The following SP4 variants were observed in gnomAD, a reference collection of about 807,000 sequenced individuals.
The protein encoded by SP4 is transcription factor Sp4.
In SP4, 19 loss-of-function variants were observed where a neutral mutation model predicts 72.8. The ratio of observed to expected loss-of-function variants is 0.26; its 90% CI spans 0.18 to 0.38. SP4 has a LOEUF of 0.38. SP4 is among the 10% of genes least tolerant of loss of function. SP4 has a pLI of 1.00. For missense variants in SP4, 1,008 were observed against 926.3 expected, an observed-to-expected ratio of 1.09 and a Z score of -1.14; for synonymous variants, 395 against 333.1, an observed-to-expected ratio of 1.19 and a Z score of -2.02.
intron 3 of SP4, among the ~76,000 whole-genome samples, chr7:21,441,081 G>C (rs1325584091): frequency 6.6e-6 from 1 of 152,214 alleles, no homozygotes; most frequent in African/African-American, 2.4e-5. Context: ...TAAGTACTGG[G>C]TTTTGAGGCA....
intron 5 of SP4, among the ~76,000 whole-genome samples, chr7:21,496,959 C>A (rs10238881): frequency 0.035 from 5,325 of 152,240 alleles, 337 homozygotes; most frequent in East Asian, 0.26. Flanking sequence ...ACATGTATGA[C>A]CTTCTAGATT....
intron 3 of SP4, among the ~76,000 whole-genome samples, chr7:21,456,120 G>C (rs1390720747): frequency 6.6e-6 from 1 of 152,168 alleles, no homozygotes; most frequent in African/African-American, 2.4e-5. Context: ...ACATTTATTG[G>C]CCCTCTTGAC....
At chr7:21,484,708 A>G (rs1784768246) in intron 5 of SP4, among the ~76,000 whole-genome samples, 1 of 151,818 alleles carries the variant, frequency 6.6e-6, no homozygotes. Flanking sequence ...TAGCAGTGGG[A>G]TAAATTAGGG....
intron 5 of SP4, among the ~76,000 whole-genome samples, chr7:21,486,025 T>C (rs1784803838): frequency 6.6e-6 from 1 of 152,010 alleles, no homozygotes; most frequent in African/African-American, 2.4e-5. Flanking sequence ...GGAAATAAAT[T>C]TGTCTAAAGG....
Position 21,429,574 on chromosome 7 carries a change from C to T in SP4, c.409C>T (p.Pro137Ser). 6.2e-7 allele frequency: 1 copy of T among 1,614,146 alleles called. No homozygotes were observed. The highest frequency in any genetic ancestry group is 8.5e-7 in the Non-Finnish European group (1 of 1,180,004). The change falls in exon 3 of 6, where the codon CCT becomes TCT. Residue 137 changes from proline to serine, a missense_variant. Coordinates refer to ENST00000222584, the MANE Select transcript of SP4 (RefSeq NM_003112.5). ...SSSSNNGSASPTKTKSGNSST... is the reference protein window; with the variant it reads ...SSSSNNGSASSTKTKSGNSST... ...CAGCAGTAATAACGGGAGTGCATCT[C>T]CTACAAAAACTAAATCAGGTAATTC...
chr7:21,428,199 C>CCCCCCCCCCCCA lies in SP4; in HGVS notation c.-53_-52insCCCCCCCCCCCA. On this transcript the variant is annotated 5_prime_UTR_variant, in exon 1 of 6. Transcript: ENST00000222584. ...TCTCCTCCCGCCTCGCCCCCACCCC[C>CCCCCCCCCCCCA]ACCCACCTCTATCCCAGTGTCTCCG... The CCCCCCCCCCCCA allele has an allele frequency of 1.7e-5, 19 of 1,119,084 alleles. No homozygotes were observed. The highest frequency in any genetic ancestry group is 5.9e-5 in the East Asian group (2 of 34,080). 69.3% of individuals were successfully genotyped at this position (1,119,084 alleles called of 1,614,324 possible). A position where few individuals can be genotyped will look rare whatever the true frequency, so the allele number is the denominator to read the frequency against.
intron 5 of SP4, among the ~76,000 whole-genome samples, chr7:21,493,195 A>T (rs772765798): frequency 2.8e-5 from 2 of 71,290 alleles, no homozygotes; most frequent in Non-Finnish European, 5.1e-5. Context: ...GTGAGATTCC[A>T]TGTGAAAAAA....
chr7:21,463,351 G>A (rs1356375403), intron 3 of SP4, among the ~76,000 whole-genome samples: 1 of 152,208 alleles, frequency 6.6e-6, no homozygotes, highest in Non-Finnish European at 1.5e-5. Context: ...TAGGATGAAT[G>A]AAAGGTTACC....
intron 3 of SP4, among the ~76,000 whole-genome samples, chr7:21,452,009 C>T (rs1274849788): frequency 3.3e-5 from 5 of 152,178 alleles, no homozygotes; most frequent in Admixed American, 3.3e-4. Flanking sequence ...TTACATTACC[C>T]ATCCCTTTTA....
At chr7:21,428,612 A>C (rs1782711009) in intron 1 of SP4, 65 bp from the exon 2 acceptor site, 1 of 1,423,226 alleles carries the variant, frequency 7.0e-7, no homozygotes. Context: ...GGAGAGGAAG[A>C]AGACGAATAA....
chr7:21,469,847 G>A (rs1784277930), intron 3 of SP4, among the ~76,000 whole-genome samples: 2 of 151,892 alleles, frequency 1.3e-5, no homozygotes, highest in Non-Finnish European at 2.9e-5. Context: ...CCACCATGCT[G>A]GGCCTATAAT....
At chr7:21,500,758 C>T (rs1333266658) in intron 5 of SP4, among the ~76,000 whole-genome samples, 1 of 152,178 alleles carries the variant, frequency 6.6e-6, no homozygotes, top group East Asian at 1.9e-4. Context: ...AAAGAAAGCT[C>T]TTCGCTTTTA....
At chr7:21,454,416 C>T (rs1783698423) in intron 3 of SP4, among the ~76,000 whole-genome samples, 1 of 150,534 alleles carries the variant, frequency 6.6e-6, no homozygotes, top group Non-Finnish European at 1.5e-5. Context: ...TCTCACTTGG[C>T]TTGAACATCC....
At position 21,511,023 on chromosome 7, in the gene SP4, T is replaced by C; in HGVS notation, c.2109T>C (p.Gly703=). ...GCCATTTACTGTTTTTCTATGTAGG[T>C]GAAAAGAGATTTGAATGCCCGGAAT... ...ELQRHRRTHT[G]EKRFECPECS... Residue 703 remains glycine, a splice_region_variant and synonymous_variant, in exon 6 of 6, where the codon GGT becomes GGC. Transcript: ENST00000222584. 1 of 1,600,380 alleles carries C rather than the reference T, an allele frequency of 6.2e-7. No individual in the cohort carries two copies. Among genetic ancestry groups the C allele is most frequent in the East Asian group, 2.2e-5 (1 of 44,622 alleles).
At chr7:21,434,135 G>A (rs1782968416) in intron 3 of SP4, among the ~76,000 whole-genome samples, 1 of 152,096 alleles carries the variant, frequency 6.6e-6, no homozygotes, top group Admixed American at 6.6e-5. Flanking sequence ...TGTTCCCCAG[G>A]AGAATGGTAT....
At chr7:21,476,628 T>C (rs1784508663) in intron 3 of SP4, among the ~76,000 whole-genome samples, 1 of 152,208 alleles carries the variant, frequency 6.6e-6, no homozygotes, top group South Asian at 2.1e-4. Context: ...CTTAATCCTT[T>C]GTTTAGTGAC....
chr7:21,487,346 C>G (rs1784844345), intron 5 of SP4, among the ~76,000 whole-genome samples: 1 of 148,528 alleles, frequency 6.7e-6, no homozygotes, highest in African/African-American at 2.5e-5. Context: ...CTCTCTCTCT[C>G]TTTCTCTGTC....
At chr7:21,487,463 T>G (rs1415394394) in intron 5 of SP4, among the ~76,000 whole-genome samples, 2 of 151,726 alleles carry the variant, frequency 1.3e-5, no homozygotes, top group Non-Finnish European at 2.9e-5. Context: ...TTTGTCTCAT[T>G]ACCATTTTAT....
intron 3 of SP4, among the ~76,000 whole-genome samples, chr7:21,464,510 T>C (rs189620296): frequency 6.6e-6 from 1 of 152,204 alleles, no homozygotes; most frequent in African/African-American, 2.4e-5. Context: ...CATTTCAGAG[T>C]TTTCCTAAAA....
Sources: gnomAD v4.1 joint callset for allele counts (sites outside exome capture counted in the v4.1 genomes callset) on GRCh38, gnomAD v4.1.1 for gene constraint, MANE v1.5 for transcripts, NCBI Gene and HGNC (gene_info 2026-07-23, HGNC 2026-07-21) for gene names.